Variants in CCDC178 observed in about 807,000 individuals in gnomAD.
CCDC178 encodes coiled-coil domain-containing protein 178.
A neutral mutation model predicts 117.4 loss-of-function variants in CCDC178; 126 were observed. The ratio of observed to expected loss-of-function variants is 1.07; its 90% CI spans 0.93 to 1.24. The LOEUF is 1.24. CCDC178 is among the 50% of genes most tolerant of loss of function. The probability of loss-of-function intolerance (pLI) is 0.00; values close to 1 mark genes in which losing one functional copy is unlikely to be tolerated. For missense variants in CCDC178, 1,030 were observed against 986.9 expected, an observed-to-expected ratio of 1.04 and a Z score of -0.59; for synonymous variants, 283 against 313.4, an observed-to-expected ratio of 0.90 and a Z score of 1.02.
chr18:33,209,933 G>GAA (rs1473641824), intron 20 of CCDC178, among the ~76,000 whole-genome samples: 1 of 151,906 alleles, frequency 6.6e-6, no homozygotes, highest in Non-Finnish European at 1.5e-5. Context: ...GAGAGAGAGA[G>GAA]AAAGAGAGAC....
chr18:33,209,506 C>T (rs1222849800), intron 20 of CCDC178, among the ~76,000 whole-genome samples: 1 of 152,004 alleles, frequency 6.6e-6, no homozygotes, highest in Non-Finnish European at 1.5e-5. Context: ...TATAATGATG[C>T]CTTTAATGAG....
At chr18:33,329,876 A>T (rs187055323) in intron 10 of CCDC178, among the ~76,000 whole-genome samples, 9,885 of 131,430 alleles carry the variant, frequency 0.075, 467 homozygotes, top group Non-Finnish European at 0.097. Context: ...GAATTATTAG[A>T]GTGTGTGTGT....
At chr18:33,019,730 C>T (rs1281274562) in intron 21 of CCDC178, among the ~76,000 whole-genome samples, 1 of 151,960 alleles carries the variant, frequency 6.6e-6, no homozygotes, top group African/African-American at 2.4e-5. Flanking sequence ...TTTAATATCA[C>T]CAGTGATAAA....
intron 21 of CCDC178, among the ~76,000 whole-genome samples, chr18:32,977,026 T>C (rs2055042773): frequency 6.6e-6 from 1 of 152,144 alleles, no homozygotes; most frequent in South Asian, 2.1e-4. Flanking sequence ...TTTGCTATTT[T>C]CTTAACAAAG....
intron 21 of CCDC178, among the ~76,000 whole-genome samples, chr18:32,984,558 T>C (rs1234489869): frequency 6.6e-6 from 1 of 151,976 alleles, no homozygotes; most frequent in South Asian, 2.1e-4. Context: ...CAGTAGTTTA[T>C]ATATTTTGCT....
chr18:33,393,847 A>C (rs1028359487), intron 4 of CCDC178, among the ~76,000 whole-genome samples: 8 of 151,884 alleles, frequency 5.3e-5, no homozygotes, highest in African/African-American at 1.9e-4. Context: ...TTGTTAAATG[A>C]GTGTGTATAT....
chr18:33,300,218 T>C (rs370750978), intron 11 of CCDC178, among the ~76,000 whole-genome samples: 50 of 152,322 alleles, frequency 3.3e-4, no homozygotes, highest in African/African-American at 1.2e-3. Flanking sequence ...GTTACCTTCC[T>C]GAGGCCCTCA....
chr18:33,342,525 G>A (rs760776526), intron 9 of CCDC178, among the ~76,000 whole-genome samples: 12 of 152,218 alleles, frequency 7.9e-5, no homozygotes, highest in Non-Finnish European at 1.5e-4. Flanking sequence ...TGTGAGAAGT[G>A]AAGGTATGCC....
chr18:33,391,350 G>C (rs774875486), intron 4 of CCDC178, among the ~76,000 whole-genome samples: 3 of 151,794 alleles, frequency 2.0e-5, no homozygotes, highest in Non-Finnish European at 4.4e-5. Context: ...GAGAAATTTA[G>C]AGAAAAAATA....
chr18:33,147,258 G>T (rs1284654562), intron 20 of CCDC178, among the ~76,000 whole-genome samples: 1 of 150,648 alleles, frequency 6.6e-6, no homozygotes, highest in African/African-American at 2.4e-5. Context: ...TTCCAAGATG[G>T]TGCCTTAAAT....
chr18:33,261,177 G>C (rs1291135948), intron 14 of CCDC178, among the ~76,000 whole-genome samples: 4 of 152,064 alleles, frequency 2.6e-5, no homozygotes, highest in African/African-American at 9.7e-5. Context: ...TCCGCCTCCT[G>C]GGTTCACGCC....
chr18:33,333,262 T>C lies in CCDC178; in HGVS notation c.791A>G (p.Asp264Gly), dbSNP rs1568154615. 6.2e-7 allele frequency: 1 copy of C among 1,612,372 alleles called. No homozygotes were observed. The highest frequency in any genetic ancestry group is 8.5e-7 in the Non-Finnish European group (1 of 1,178,630). Residue 264 changes from aspartate to glycine, a missense_variant, in exon 10 of 23, where the codon GAC (aspartate) becomes GGC (glycine). Coordinates refer to ENST00000383096, the MANE Select transcript of CCDC178 (RefSeq NM_001105528.4). Reference protein sequence around the residue: ...EANAKIQADIDYMNEHGPLLD... With the variant: ...EANAKIQADIGYMNEHGPLLD... ...TAGAGGGCCATGTTCATTCATGTAG[T>C]CTATGTCTGCTTGAATCTTTGCATT...
chr18:33,414,958 C>G (rs1199686785), intron 2 of CCDC178, among the ~76,000 whole-genome samples: 1 of 152,172 alleles, frequency 6.6e-6, no homozygotes, highest in Non-Finnish European at 1.5e-5. Flanking sequence ...AAATGCTCAT[C>G]ATCACTGGCC....
At chr18:33,384,878 T>C (rs1189644554) in intron 5 of CCDC178, among the ~76,000 whole-genome samples, 1 of 152,050 alleles carries the variant, frequency 6.6e-6, no homozygotes, top group Non-Finnish European at 1.5e-5. Context: ...TAACCTTAAA[T>C]ATAAATAGCC....
intron 11 of CCDC178, among the ~76,000 whole-genome samples, chr18:33,314,117 C>T (rs1479029631): frequency 7.2e-6 from 1 of 138,068 alleles, no homozygotes; most frequent in African/African-American, 2.7e-5. Flanking sequence ...AGGAGAATGG[C>T]GTGAACCCGG....
intron 21 of CCDC178, among the ~76,000 whole-genome samples, chr18:33,017,521 T>C (rs1368193909): frequency 6.6e-6 from 1 of 151,978 alleles, no homozygotes; most frequent in Non-Finnish European, 1.5e-5. Context: ...CTTCCGAAAT[T>C]CATCTACAGG....
rs2062889653 is a variant in CCDC178 at position 33,346,150 on chromosome 18, T to C, written c.658+61A>G. 21 of 1,271,890 alleles carry C rather than the reference T, an allele frequency of 1.7e-5. No individual in the cohort carries two copies. The South Asian group carries it at 2.7e-4, about 16-fold the overall frequency. 78.8% of individuals were successfully genotyped at this position (1,271,890 alleles called of 1,614,324 possible). A position where few individuals can be genotyped will look rare whatever the true frequency, so the allele number is the denominator to read the frequency against. ...CAATTTTTTTAAAAATATACAGACC[T>C]GTAATTAATTATCTGTGCCCCCAAC... On this transcript the variant is annotated intron_variant, in intron 9 of 22. Coordinates refer to ENST00000383096, the MANE Select transcript of CCDC178 (RefSeq NM_001105528.4).
intron 11 of CCDC178, among the ~76,000 whole-genome samples, chr18:33,306,042 TAG>T (rs938874048): frequency 1.4e-4 from 21 of 152,322 alleles, no homozygotes; most frequent in Admixed American, 7.2e-4. Context: ...CAGAATTAAC[TAG>T]AGTCTTCTAA....
At chr18:32,954,074 C>G (rs779370550) in intron 22 of CCDC178, 1 of 152,064 alleles carries the variant, frequency 6.6e-6, no homozygotes, top group Non-Finnish European at 1.5e-5. Flanking sequence ...TTTAAAAATG[C>G]ACTGACTCTT....
Sources: gnomAD v4.1 joint callset for allele counts (sites outside exome capture counted in the v4.1 genomes callset) on GRCh38, gnomAD v4.1.1 for gene constraint, MANE v1.5 for transcripts, NCBI Gene and HGNC (gene_info 2026-07-23, HGNC 2026-07-21) for gene names.